Variants in REEP3 observed in about 807,000 individuals in gnomAD.
REEP3 encodes the protein receptor accessory protein 3.
REEP3 carries 20 observed loss-of-function variants against 41.3 expected under a neutral mutation model. The ratio of observed to expected loss-of-function variants is 0.48; its 90% CI spans 0.34 to 0.70. The LOEUF is 0.70. Ranked by LOEUF, REEP3 falls within the 30% of genes least tolerant of loss-of-function variation. The pLI is 0.01. For synonymous variants in REEP3, 104 were observed against 101.8 expected, an observed-to-expected ratio of 1.02 and a Z score of -0.13; for missense variants, 271 against 308.8, an observed-to-expected ratio of 0.88 and a Z score of 0.92.
chr10:63,565,215 G>T (rs553205020), intron 1 of REEP3, among the ~76,000 whole-genome samples: 1 of 152,156 alleles, frequency 6.6e-6, no homozygotes, highest in African/African-American at 2.4e-5. Flanking sequence ...AGCTGAGATC[G>T]CACCACTACA....
chr10:63,598,946 T>C lies in REEP3; in HGVS notation c.304-224T>C, dbSNP rs190223914. On this transcript the variant is annotated intron_variant, in intron 4 of 7. Coordinates refer to ENST00000373758, the MANE Select transcript of REEP3 (RefSeq NM_001001330.3). ...GTCTCTACAAAAAAATTAAAAATTA[T>C]TTGGTCATGGTGGTACACACTTATT... Among the ~76,000 whole-genome samples the C allele has an allele frequency of 1.3e-3, 204 of 152,050 alleles. 1 individual carries two copies. The highest frequency in any genetic ancestry group is 4.8e-3 in the African/African-American group (200 of 41,468).
chr10:63,593,409 G>T (rs1025688438), intron 2 of REEP3, among the ~76,000 whole-genome samples: 9 of 152,150 alleles, frequency 5.9e-5, no homozygotes, highest in African/African-American at 1.7e-4. Flanking sequence ...AACCTGGACA[G>T]AAATCCTACC....
At chr10:63,575,484 C>T (rs1955890482) in intron 2 of REEP3, among the ~76,000 whole-genome samples, 1 of 152,096 alleles carries the variant, frequency 6.6e-6, no homozygotes, top group African/African-American at 2.4e-5. Flanking sequence ...CTGTTCTGTA[C>T]TCCATTTTCA....
chr10:63,550,328 A>G (rs1955616713), intron 1 of REEP3, among the ~76,000 whole-genome samples: 2 of 152,222 alleles, frequency 1.3e-5, no homozygotes, highest in South Asian at 2.1e-4. Flanking sequence ...GGAAGTTAAT[A>G]CTTTGATTGT....
At chr10:63,531,378 C>T (rs1457323189) in intron 1 of REEP3, among the ~76,000 whole-genome samples, 1 of 152,158 alleles carries the variant, frequency 6.6e-6, no homozygotes, top group African/African-American at 2.4e-5. Context: ...GGATGTTTAG[C>T]AGCATCCACC....
intron 2 of REEP3, among the ~76,000 whole-genome samples, chr10:63,582,840 G>T (rs866691190): frequency 6.6e-6 from 1 of 152,056 alleles, no homozygotes. Flanking sequence ...TCTGTGCTCC[G>T]TTACTTGCTG....
At chr10:63,533,506 G>A (rs1955444040) in intron 1 of REEP3, among the ~76,000 whole-genome samples, 1 of 151,880 alleles carries the variant, frequency 6.6e-6, no homozygotes. Context: ...TATATTTTTG[G>A]TTATTAATTT....
intron 2 of REEP3, among the ~76,000 whole-genome samples, chr10:63,574,691 T>C (rs1175003586): frequency 6.6e-6 from 1 of 152,098 alleles, no homozygotes; most frequent in East Asian, 1.9e-4. Context: ...TTCTCTGTGT[T>C]CTTACTCTGT....
chr10:63,536,763 C>A (rs2133346342), intron 1 of REEP3, among the ~76,000 whole-genome samples: 1 of 152,152 alleles, frequency 6.6e-6, no homozygotes, highest in African/African-American at 2.4e-5. Flanking sequence ...ATAGACAAAA[C>A]TCATTAGTTT....
chr10:63,610,190 C>A lies in REEP3; in HGVS notation c.421C>A (p.Gln141Lys), dbSNP rs777016521. ...TAAVTAAVKS[Q>K]GAITERLRSF... ...CTATCACTTCTCTGTTAAATAGAGC[C>A]AAGGAGCAATAACTGAACGTTTAAG... Residue 141 changes from glutamine to lysine, a missense_variant, in exon 6 of 8, where the codon CAA (glutamine) becomes AAA (lysine). Physicochemically the swap from Gln to Lys is moderately conservative, Grantham distance 53. Coordinates refer to ENST00000373758, the MANE Select transcript of REEP3 (RefSeq NM_001001330.3). 8 of 1,608,798 alleles carry A rather than the reference C, an allele frequency of 5.0e-6. No homozygotes were observed. The highest frequency in any genetic ancestry group is 6.8e-6 in the Non-Finnish European group (8 of 1,177,312).
intron 2 of REEP3, among the ~76,000 whole-genome samples, chr10:63,575,593 A>G (rs1344835010): frequency 6.7e-6 from 1 of 149,604 alleles, no homozygotes; most frequent in African/African-American, 2.5e-5. Context: ...TCTCTTTCCC[A>G]TCTCTTTTTG....
chr10:63,549,803 C>T (rs1955611493), intron 1 of REEP3, among the ~76,000 whole-genome samples: 3 of 152,008 alleles, frequency 2.0e-5, no homozygotes, highest in South Asian at 2.1e-4. Context: ...GAATGATCCA[C>T]GTGGGGAAGA....
chr10:63,615,381 G>T (rs185270643), intron 6 of REEP3, among the ~76,000 whole-genome samples: 1 of 151,906 alleles, frequency 6.6e-6, no homozygotes. Flanking sequence ...TAATGGAGAT[G>T]GGATATCAGT....
At chr10:63,602,307 G>A (rs1289042273) in intron 5 of REEP3, among the ~76,000 whole-genome samples, 1 of 152,166 alleles carries the variant, frequency 6.6e-6, no homozygotes, top group African/African-American at 2.4e-5. Context: ...TGTTACAGTA[G>A]GAAAGTAGAG....
intron 1 of REEP3, among the ~76,000 whole-genome samples, chr10:63,561,157 T>A (rs1955736078): frequency 6.6e-6 from 1 of 152,210 alleles, no homozygotes; most frequent in East Asian, 1.9e-4. Flanking sequence ...ATATGTATAG[T>A]ATCAACTAGC....
rs756000411 is a variant in REEP3, at chr10:63,606,004, T to C, written c.418-4183T>C. 78 of 387,090 alleles carry C rather than the reference T, an allele frequency of 2.0e-4. 1 individual carries two copies. Among genetic ancestry groups the C allele is most frequent in the Non-Finnish European group, 2.7e-4 (75 of 282,810 alleles). The allele number at this position is 387,090 out of a possible 1,614,324, so 24.0% of individuals were successfully genotyped here. ...GAAGTTCAGATGGTTCAGAAACAGT[T>C]CTGCTCACGATGATCAGTTTCAATG... is the stretch of plus-strand genomic sequence containing the variant. On this transcript the variant is annotated intron_variant, in intron 5 of 7. Transcript: ENST00000373758.
chr10:63,532,176 T>A (rs7087279), intron 1 of REEP3, among the ~76,000 whole-genome samples: 129,384 of 152,188 alleles, frequency 0.85, 55,460 homozygotes, highest in African/African-American at 0.91. Context: ...TTTTCCTAAC[T>A]ATTAACAGTG....
intron 1 of REEP3, among the ~76,000 whole-genome samples, chr10:63,524,080 G>A (rs1199300328): frequency 6.6e-6 from 1 of 152,150 alleles, no homozygotes; most frequent in Non-Finnish European, 1.5e-5. Context: ...CAAGTGTCAG[G>A]AACTGTTATT....
chr10:63,554,588 T>C (rs1207000301), intron 1 of REEP3, among the ~76,000 whole-genome samples: 1 of 152,234 alleles, frequency 6.6e-6, no homozygotes, highest in Non-Finnish European at 1.5e-5. Flanking sequence ...ACACTTGCTA[T>C]GTGCTTAATT....
Sources: gnomAD v4.1 joint callset for allele counts (sites outside exome capture counted in the v4.1 genomes callset) on GRCh38, gnomAD v4.1.1 for gene constraint, MANE v1.5 for transcripts, NCBI Gene and HGNC (gene_info 2026-07-23, HGNC 2026-07-21) for gene names.